The following RBFOX3 variants were observed in gnomAD, a reference collection of about 807,000 sequenced individuals.
RBFOX3 encodes RNA binding fox-1 homolog 3.
Under a neutral mutation model 48.7 loss-of-function variants are expected in RBFOX3, and 17 were observed. That is an observed-to-expected ratio of 0.35 (90% CI 0.24 to 0.52). RBFOX3 has a LOEUF of 0.52. RBFOX3 is among the 20% of genes least tolerant of loss of function. The probability of loss-of-function intolerance (pLI) is 0.94; values close to 1 mark genes in which losing one functional copy is unlikely to be tolerated. For synonymous variants in RBFOX3, 212 were observed against 209.5 expected (o/e 1.01, Z -0.10); for missense variants, 382 against 497.5 (o/e 0.77, Z 2.21).
In RBFOX3 at chr17:79,103,986, C is replaced by T. The variant is rs1374576055; in HGVS notation, c.414+87G>A. 1.6e-6 allele frequency: 2 copies of T among 1,236,774 alleles called. No individual in the cohort carries two copies. The highest frequency in any genetic ancestry group is 2.3e-6 in the Non-Finnish European group (2 of 863,016). 76.6% of individuals were successfully genotyped at this position (1,236,774 alleles called of 1,614,324 possible). A position where few individuals can be genotyped will look rare whatever the true frequency, so the allele number is the denominator to read the frequency against. ...CTCAGGGGTCCTCGGGCGCGAAGCT[C>T]TCCAGGAAGGAAACGCACATTTCAC... On this transcript the variant is annotated intron_variant, in intron 7 of 14. Coordinates refer to ENST00000693108, the MANE Select transcript of RBFOX3 (RefSeq NM_001350451.2). This position sits in a 1 kb window ranked among gnomAD's most constrained non-coding sequence, Gnocchi z 6.1.
At chr17:79,550,789 A>G (rs903894357) in intron 1 of RBFOX3, among the ~76,000 whole-genome samples, 38 of 151,486 alleles carry the variant, frequency 2.5e-4, no homozygotes, top group Non-Finnish European at 3.8e-4. Context: ...GGGTGGATGG[A>G]TGGATGGTCA....
chr17:79,377,535 A>G (rs2147828041), intron 2 of RBFOX3, among the ~76,000 whole-genome samples: 1 of 152,248 alleles, frequency 6.6e-6, no homozygotes, highest in South Asian at 2.1e-4. Flanking sequence ...CATCGCACCC[A>G]TGCTGTAGGT....
intron 4 of RBFOX3, among the ~76,000 whole-genome samples, chr17:79,182,317 G>A (rs954201331): frequency 2.9e-4 from 44 of 152,166 alleles, no homozygotes; most frequent in Non-Finnish European, 5.6e-4. Flanking sequence ...CAAGGCAGAC[G>A]CCACAGCGCC....
At chr17:79,641,453 A>T in the RBFOX3 span, among the ~76,000 whole-genome samples, 97 of 152,348 alleles carry the variant, frequency 6.4e-4, no homozygotes, top group African/African-American at 2.3e-3. Context: ...CTAGGTATAT[A>T]TTCAAAGAAA....
intron 4 of RBFOX3, among the ~76,000 whole-genome samples, chr17:79,231,229 G>A (rs72846811): frequency 0.044 from 6,668 of 152,204 alleles, 185 homozygotes; most frequent in Non-Finnish European, 0.064. Flanking sequence ...ATACTAAGAG[G>A]GTCCCACTGA....
intron 4 of RBFOX3, among the ~76,000 whole-genome samples, chr17:79,176,049 C>A (rs769128036): frequency 3.3e-5 from 5 of 152,214 alleles, no homozygotes; most frequent in Non-Finnish European, 7.3e-5. Context: ...GGACAGGGTC[C>A]TTTACTCTGG....
intron 2 of RBFOX3, among the ~76,000 whole-genome samples, chr17:79,375,658 T>G (rs1598429442): frequency 6.6e-6 from 1 of 151,608 alleles, no homozygotes; most frequent in Non-Finnish European, 1.5e-5. Context: ...GGAGGTGGGG[T>G]GAGAGGGGAT....
intron 2 of RBFOX3, among the ~76,000 whole-genome samples, chr17:79,368,377 G>A (rs745798791): frequency 4.6e-5 from 7 of 152,226 alleles, no homozygotes; most frequent in Admixed American, 3.3e-4. Flanking sequence ...AGGATCCTGC[G>A]TGCTGTCCTG....
chr17:79,536,415 C>A (rs1390306271), intron 1 of RBFOX3, among the ~76,000 whole-genome samples: 2 of 152,228 alleles, frequency 1.3e-5, no homozygotes, highest in African/African-American at 4.8e-5. Context: ...CCTTGTCTTG[C>A]CCTGCACAGG....
chr17:79,092,469 G>T (rs2074119081), intron 14 of RBFOX3: 11 of 985,896 alleles, frequency 1.1e-5, no homozygotes, highest in Non-Finnish European at 1.3e-5. Context: ...AGTTGCAGGG[G>T]GCCAGCCGTG....
At chr17:79,349,089 C>T (rs541636484) in intron 2 of RBFOX3, among the ~76,000 whole-genome samples, 2 of 152,184 alleles carry the variant, frequency 1.3e-5, no homozygotes, top group South Asian at 4.2e-4. Flanking sequence ...GTTCTGTCTC[C>T]AAAATGTACC....
the RBFOX3 span, among the ~76,000 whole-genome samples, chr17:79,664,770 C>A: frequency 6.6e-4 from 101 of 152,280 alleles, 1 homozygote; most frequent in Non-Finnish European, 1.4e-3. Context: ...TTAGATGACA[C>A]CTCTTACTCC....
At chr17:79,632,741 T>A in the RBFOX3 span, among the ~76,000 whole-genome samples, 12 of 125,456 alleles carry the variant, frequency 9.6e-5, no homozygotes, top group Non-Finnish European at 1.3e-4. Context: ...ACGTATCTAC[T>A]AAAAAAAAAA....
intron 1 of RBFOX3, among the ~76,000 whole-genome samples, chr17:79,539,724 G>C (rs781957311): frequency 1.3e-5 from 2 of 152,216 alleles, no homozygotes; most frequent in Non-Finnish European, 2.9e-5. Context: ...GAACAAAGAA[G>C]CAAATATTTT....
chr17:79,528,076 C>T (rs1053033407), intron 1 of RBFOX3, among the ~76,000 whole-genome samples: 23 of 150,424 alleles, frequency 1.5e-4, no homozygotes, highest in African/African-American at 4.9e-4. Context: ...TAGTTGAAAC[C>T]CTGAGGTATC....
At chr17:79,145,250 G>A (rs542893722) in intron 4 of RBFOX3, among the ~76,000 whole-genome samples, 17 of 152,314 alleles carry the variant, frequency 1.1e-4, no homozygotes, top group South Asian at 2.1e-4. Flanking sequence ...GTGCACCTGC[G>A]TCTCCTGGGG....
At chr17:79,320,517 C>T (rs1439179279) in intron 2 of RBFOX3, among the ~76,000 whole-genome samples, 1 of 152,200 alleles carries the variant, frequency 6.6e-6, no homozygotes, top group African/African-American at 2.4e-5. Context: ...AAACACTTCC[C>T]AGCAGGGAAA....
At chr17:79,414,270 A>G (rs959511983) in intron 2 of RBFOX3, among the ~76,000 whole-genome samples, 3 of 152,306 alleles carry the variant, frequency 2.0e-5, no homozygotes, top group East Asian at 1.9e-4. Context: ...CACTGTAAAC[A>G]AAGTCTCCGT....
At chr17:79,419,521 T>A (rs2148708935) in intron 2 of RBFOX3, among the ~76,000 whole-genome samples, 1 of 152,256 alleles carries the variant, frequency 6.6e-6, no homozygotes, top group East Asian at 1.9e-4. Flanking sequence ...GTGCACAAAA[T>A]TCAGAGGCGC....
Sources: gnomAD v4.1 joint callset for allele counts (sites outside exome capture counted in the v4.1 genomes callset) on GRCh38, gnomAD v4.1.1 for gene constraint, Gnocchi (gnomAD v3.1) non-coding constraint, MANE v1.5 for transcripts, NCBI Gene and HGNC (gene_info 2026-07-23, HGNC 2026-07-21) for gene names.